RNF111: variants seen among roughly 807,000 people sequenced by gnomAD.
RNF111 encodes E3 ubiquitin-protein ligase Arkadia.
Under a neutral mutation model 95.1 loss-of-function variants are expected in RNF111, and 17 were observed. That is an observed-to-expected ratio of 0.18 (90% CI 0.12 to 0.27). The LOEUF is 0.27. Among genes scored for constraint, RNF111 ranks in the 10% least tolerant of loss-of-function variants. The pLI is 1.00. For synonymous variants in RNF111, 440 were observed against 414.8 expected (o/e 1.06, Z -0.74); for missense variants, 1,189 against 1,210.4 (o/e 0.98, Z 0.26).
chr15:59,059,961 A>G (rs1453902892), intron 5 of RNF111, among the ~76,000 whole-genome samples: 1 of 152,240 alleles, frequency 6.6e-6, no homozygotes, highest in Non-Finnish European at 1.5e-5. Flanking sequence ...TACATCTAGC[A>G]GATTAGAAAA....
chr15:59,050,285 G>C (rs1000027195), intron 2 of RNF111: 2 of 151,978 alleles, frequency 1.3e-5, no homozygotes, highest in African/African-American at 4.8e-5. Flanking sequence ...GCTTTTTCTT[G>C]TAGATTCCTG....
chr15:58,999,106 T>A (rs748024780), intron 1 of RNF111, among the ~76,000 whole-genome samples: 15 of 152,316 alleles, frequency 9.8e-5, no homozygotes, highest in Admixed American at 4.6e-4. Context: ...TTATTAAATA[T>A]ACTACTCCCT....
Position 59,055,753 on chromosome 15 carries a change from A to G in RNF111, c.1079A>G (p.Gln360Arg). Residue 360 changes from glutamine (Q) to arginine (R), a missense_variant, in exon 4 of 14, where the codon CAG becomes CGG. Physicochemically the swap from Gln to Arg is conservative, Grantham distance 43. Around this residue, in one of 2 missense-constraint regions of RNF111, gnomAD observed 1,024 missense variants for 925.9 expected, o/e 1.11. Transcript: ENST00000348370. ...QGSSSHASRP[Q>R]EPRNRSRIST... is the part of the protein sequence containing the mutation. ...TCCAGTTCTCATGCAAGTCGGCCAC[A>G]GGAGCCACGGAACCGCAGTAGGATT... 1.2e-6 allele frequency: 2 copies of G among 1,613,962 alleles called. No homozygotes were observed. Among genetic ancestry groups the G allele is most frequent in the Non-Finnish European group, 1.7e-6 (2 of 1,179,900 alleles).
chr15:59,025,159 A>G (rs145480288), intron 1 of RNF111, among the ~76,000 whole-genome samples: 214 of 152,354 alleles, frequency 1.4e-3, no homozygotes, highest in African/African-American at 4.5e-3. Flanking sequence ...TGCAGGGATT[A>G]CAGGCGTGAG....
chr15:59,064,535 C>CAAAAAA lies in RNF111; in HGVS notation c.1367-2216_1367-2211dup, dbSNP rs35804813. On this transcript the variant is annotated intron_variant, in intron 5 of 13. Coordinates refer to ENST00000348370, the MANE Select transcript of RNF111 (RefSeq NM_017610.8). The stretch of plus-strand genomic sequence containing the variant: ...TGGGCGACAGAGCAAGACTTTGTCG[C>CAAAAAA]AAAAAAAAAAAAAAAAAAGGAAATA... Among the ~76,000 whole-genome samples, 36 of 76,710 alleles carry CAAAAAA rather than the reference C, an allele frequency of 4.7e-4. 3 individuals are homozygous for CAAAAAA. The highest frequency in any genetic ancestry group is 1.6e-3 in the African/African-American group (36 of 22,950). 50.3% of individuals were successfully genotyped at this position (76,710 alleles called of 152,430 possible). A position where few individuals can be genotyped will look rare whatever the true frequency, so the allele number is the denominator to read the frequency against.
At chr15:59,001,007 C>A (rs1216162989) in intron 1 of RNF111, among the ~76,000 whole-genome samples, 1 of 151,932 alleles carries the variant, frequency 6.6e-6, no homozygotes, top group Non-Finnish European at 1.5e-5. Flanking sequence ...TATTTTTTTG[C>A]CTTTCCACAA....
At chr15:59,079,195 T>G (rs1329907507) in intron 7 of RNF111, among the ~76,000 whole-genome samples, 1 of 152,266 alleles carries the variant, frequency 6.6e-6, no homozygotes, top group East Asian at 1.9e-4. Flanking sequence ...GAAACAAAAC[T>G]TCTTGCTTTG....
chr15:59,057,704 CAT>C (rs1357083396), intron 4 of RNF111, among the ~76,000 whole-genome samples: 1 of 152,056 alleles, frequency 6.6e-6, no homozygotes, highest in South Asian at 2.1e-4. Flanking sequence ...CTTTGGAAAA[CAT>C]ATAAAAAGGC....
chr15:59,055,423 A>G (rs1194056712), intron 3 of RNF111, among the ~76,000 whole-genome samples: 2 of 152,182 alleles, frequency 1.3e-5, no homozygotes, highest in African/African-American at 2.4e-5. Flanking sequence ...TAAATTCTCA[A>G]AAGTAACCAT....
intron 5 of RNF111, among the ~76,000 whole-genome samples, chr15:59,062,606 G>A (rs1432404471): frequency 6.6e-6 from 1 of 152,198 alleles, no homozygotes; most frequent in African/African-American, 2.4e-5. Context: ...CTAGTGGATA[G>A]CAATAGCTAA....
At chr15:59,018,921 C>G (rs1217044643) in intron 1 of RNF111, among the ~76,000 whole-genome samples, 1 of 151,598 alleles carries the variant, frequency 6.6e-6, no homozygotes, top group Non-Finnish European at 1.5e-5. Flanking sequence ...ATATTTGTTT[C>G]TTTTCTTTTT....
chr15:59,052,550 G>A (rs1395227568), intron 3 of RNF111, 119 bp downstream of exon 3: 4 of 554,050 alleles, frequency 7.2e-6, no homozygotes, highest in Non-Finnish European at 1.1e-5. Context: ...GTTTGAGTAT[G>A]CATATATCAG....
intron 2 of RNF111, among the ~76,000 whole-genome samples, chr15:59,037,484 C>G (rs2041233838): frequency 1.3e-5 from 2 of 152,050 alleles, no homozygotes; most frequent in Non-Finnish European, 2.9e-5. Flanking sequence ...ACACAAAAAC[C>G]TTGGGTTTCC....
chr15:59,052,222 T>G (rs1316463603), intron 2 of RNF111, 83 bp from the exon 3 acceptor site: 21 of 1,208,916 alleles, frequency 1.7e-5, no homozygotes, highest in Non-Finnish European at 2.3e-5. Flanking sequence ...AATTTCATGG[T>G]CTTCAAAGTC....
In RNF111 at chr15:58,993,155, G is replaced by A. The variant is rs1222321930; in HGVS notation, c.-20+5087G>A. On this transcript the variant is annotated intron_variant, in intron 1 of 13. Coordinates refer to ENST00000348370, the MANE Select transcript of RNF111 (RefSeq NM_017610.8). Reference sequence around the variant, plus strand: ...ACTGCCCTTCAGTCTGGGTGACAGAGCAAGATTCCATCTCAAAAAAAAGAA... The same window carrying A: ...ACTGCCCTTCAGTCTGGGTGACAGAACAAGATTCCATCTCAAAAAAAAGAA... Among the ~76,000 whole-genome samples the A allele has an allele frequency of 7.9e-5, 12 of 152,118 alleles. 1 individual carries two copies. The highest frequency in any genetic ancestry group is 4.2e-4 in the South Asian group (2 of 4,816).
chr15:59,049,638 C>T (rs1183119808), intron 2 of RNF111: 2 of 156,348 alleles, frequency 1.3e-5, no homozygotes, highest in South Asian at 3.3e-4. Context: ...TCGTTTGTTA[C>T]AGCATTGCCA....
At chr15:59,006,251 A>G (rs1033265743) in intron 1 of RNF111, among the ~76,000 whole-genome samples, 3 of 152,248 alleles carry the variant, frequency 2.0e-5, no homozygotes, top group African/African-American at 4.8e-5. Context: ...CGTTTTATGT[A>G]TAGTTGGATG....
chr15:59,073,561 G>T (rs2043037124), intron 6 of RNF111, among the ~76,000 whole-genome samples: 1 of 151,844 alleles, frequency 6.6e-6, no homozygotes, highest in South Asian at 2.1e-4. Context: ...AGGATTTACG[G>T]CAATTCAATC....
chr15:59,094,889 A>G lies in RNF111; in HGVS notation c.2950A>G (p.Ser984Gly). 3 of 1,595,854 alleles carry G rather than the reference A, an allele frequency of 1.9e-6. No homozygotes were observed. In the African/African-American group the frequency reaches 4.0e-5, roughly 21 times the overall value. The change falls in exon 14 of 14, where the codon AGT becomes GGT. Residue 984 changes from serine (S) to glycine (G), a missense_variant. This residue lies in a region of RNF111 where 165 missense variants were observed against 284.6 expected (regional missense o/e 0.58). Coordinates refer to ENST00000348370, the MANE Select transcript of RNF111 (RefSeq NM_017610.8). ...AGTGGACATTGAGGCCCAGCTGCCA[A>G]GTGAAAGTTGACACCATGTTTCAGA... ...CRVDIEAQLP[S>G]ES
Sources: gnomAD v4.1 joint callset for allele counts (sites outside exome capture counted in the v4.1 genomes callset) on GRCh38, gnomAD v4.1.1 for gene constraint, gnomAD v4.1.1 regional missense constraint, MANE v1.5 for transcripts, NCBI Gene and HGNC (gene_info 2026-07-23, HGNC 2026-07-21) for gene names.